The following PRELID2 variants were observed in gnomAD, a reference collection of about 807,000 sequenced individuals.
PRELID2 encodes PRELI domain containing 2.
Under a neutral mutation model 28.4 loss-of-function variants are expected in PRELID2, and 25 were observed. The observed-to-expected ratio is 0.88, with a 90% CI of 0.64 to 1.23. The LOEUF (loss-of-function observed/expected upper bound fraction) is 1.23. Ranked by LOEUF, PRELID2 falls within the 50% of genes most tolerant of loss-of-function variation. The pLI, the probability that PRELID2 is intolerant of heterozygous loss-of-function variation, is 0.00. For missense variants in PRELID2, 201 were observed against 214.4 expected (o/e 0.94, Z 0.39); for synonymous variants, 76 against 71.6 (o/e 1.06, Z -0.31).
the PRELID2 span, among the ~76,000 whole-genome samples, chr5:145,286,273 T>C: frequency 6.6e-6 from 1 of 152,162 alleles, no homozygotes; most frequent in Non-Finnish European, 1.5e-5. Context: ...GGTTCAAAAC[T>C]AGGATGCCTG....
chr5:145,792,642 A>T (rs1752470488), intron 5 of PRELID2, among the ~76,000 whole-genome samples: 1 of 152,174 alleles, frequency 6.6e-6, no homozygotes, highest in Admixed American at 6.6e-5. Context: ...CCTGGCACAT[A>T]GGTGACACCC....
the PRELID2 span, among the ~76,000 whole-genome samples, chr5:145,456,052 G>T: frequency 6.6e-6 from 1 of 152,192 alleles, no homozygotes; most frequent in Non-Finnish European, 1.5e-5. Context: ...TTGGTCTCAA[G>T]GTTCTGCAGG....
the PRELID2 span, among the ~76,000 whole-genome samples, chr5:145,465,590 T>C: frequency 4.6e-5 from 7 of 152,084 alleles, no homozygotes; most frequent in African/African-American, 1.7e-4. Context: ...GCTACTTAAC[T>C]TTTCCATGTC....
At chr5:145,456,092 T>C in the PRELID2 span, among the ~76,000 whole-genome samples, 1 of 152,196 alleles carries the variant, frequency 6.6e-6, no homozygotes, top group Admixed American at 6.5e-5. Context: ...TAACTTTGGC[T>C]TACGAATGCT....
chr5:145,343,086 C>T, the PRELID2 span, among the ~76,000 whole-genome samples: 1 of 151,698 alleles, frequency 6.6e-6, no homozygotes, highest in Non-Finnish European at 1.5e-5. Context: ...ATTTTAACAG[C>T]CTACTTTCAA....
At chr5:145,498,032 C>T (rs1752323360) in intron 1 of PRELID2, among the ~76,000 whole-genome samples, 1 of 152,160 alleles carries the variant, frequency 6.6e-6, no homozygotes, top group South Asian at 2.1e-4. Flanking sequence ...CAAAAGCCTC[C>T]CTCTGTGGGC....
At chr5:145,342,850 A>G in the PRELID2 span, among the ~76,000 whole-genome samples, 1 of 151,206 alleles carries the variant, frequency 6.6e-6, no homozygotes, top group Non-Finnish European at 1.5e-5. Flanking sequence ...ACCAAAAGTG[A>G]GCAAGAGTAG....
the PRELID2 span, among the ~76,000 whole-genome samples, chr5:145,253,885 G>C: frequency 6.6e-6 from 1 of 151,772 alleles, no homozygotes; most frequent in Non-Finnish European, 1.5e-5. Context: ...TGCAACTTTT[G>C]TCACTTTTAT....
the PRELID2 span, among the ~76,000 whole-genome samples, chr5:145,342,314 A>G: frequency 1.6e-4 from 24 of 152,192 alleles, no homozygotes; most frequent in Non-Finnish European, 2.8e-4. Flanking sequence ...ACACATGAAA[A>G]TATAACACTC....
intron 1 of PRELID2, among the ~76,000 whole-genome samples, chr5:145,598,729 T>G (rs1055036348): frequency 2.6e-5 from 4 of 152,002 alleles, no homozygotes; most frequent in African/African-American, 9.7e-5. Context: ...CAATCTATGG[T>G]CTCAAAGAGC....
chr5:145,363,044 GATTA>G, the PRELID2 span, among the ~76,000 whole-genome samples: 3,737 of 133,752 alleles, frequency 0.028, 60 homozygotes, highest in South Asian at 0.057. Context: ...CCACCATAGA[GATTA>G]ATTAGTTTTT....
At chr5:145,514,572 A>G (rs1428626838) in intron 1 of PRELID2, among the ~76,000 whole-genome samples, 1 of 152,182 alleles carries the variant, frequency 6.6e-6, no homozygotes, top group East Asian at 1.9e-4. Flanking sequence ...CTCCACTGTC[A>G]ATATTAGACA....
At chr5:145,370,529 G>A in the PRELID2 span, among the ~76,000 whole-genome samples, 14 of 152,086 alleles carry the variant, frequency 9.2e-5, no homozygotes, top group Non-Finnish European at 1.5e-4. Context: ...CTGTATCCTT[G>A]TAGTACAGTT....
the PRELID2 span, among the ~76,000 whole-genome samples, chr5:145,325,772 T>A: frequency 6.6e-6 from 1 of 151,942 alleles, no homozygotes; most frequent in Non-Finnish European, 1.5e-5. Context: ...AGGTTTTTCT[T>A]GTCTTTTTTC....
At chr5:145,631,126 C>T (rs1753926397) in intron 1 of PRELID2, among the ~76,000 whole-genome samples, 1 of 152,138 alleles carries the variant, frequency 6.6e-6, no homozygotes, top group East Asian at 1.9e-4. Context: ...ACAACTATTC[C>T]TTTCCCAGTA....
At chr5:145,595,588 T>C (rs2149634004) in intron 1 of PRELID2, among the ~76,000 whole-genome samples, 1 of 152,118 alleles carries the variant, frequency 6.6e-6, no homozygotes, top group East Asian at 1.9e-4. Context: ...CATACCCTGG[T>C]CGTTAATGAA....
At chr5:145,357,108 C>T in the PRELID2 span, among the ~76,000 whole-genome samples, 2 of 152,168 alleles carry the variant, frequency 1.3e-5, no homozygotes, top group Non-Finnish European at 2.9e-5. Context: ...GAAAGGCCTT[C>T]TGTTTACCTG....
At chr5:145,234,063 T>G in the PRELID2 span, among the ~76,000 whole-genome samples, 1 of 152,180 alleles carries the variant, frequency 6.6e-6, no homozygotes. Context: ...GGAGTATTCT[T>G]AATTTGTTGT....
the PRELID2 span, among the ~76,000 whole-genome samples, chr5:145,417,603 C>G: frequency 7.9e-5 from 12 of 152,256 alleles, no homozygotes; most frequent in South Asian, 2.1e-3. Context: ...ATAGGCAAAT[C>G]AATAAATGTG....
Sources: gnomAD v4.1 joint callset for allele counts (sites outside exome capture counted in the v4.1 genomes callset) on GRCh38, gnomAD v4.1.1 for gene constraint, MANE v1.5 for transcripts, NCBI Gene and HGNC (gene_info 2026-07-23, HGNC 2026-07-21) for gene names.